SPOCK1: variants seen among roughly 807,000 people sequenced by gnomAD.
The protein encoded by SPOCK1 is SPARC (osteonectin), cwcv and kazal like domains proteoglycan 1.
SPOCK1 carries 23 observed loss-of-function variants against 55.3 expected under a neutral mutation model. The ratio of observed to expected loss-of-function variants is 0.42; its 90% CI spans 0.30 to 0.59. The LOEUF (loss-of-function observed/expected upper bound fraction) is 0.59. Ranked by LOEUF, SPOCK1 falls within the 20% of genes least tolerant of loss-of-function variation. The pLI is 0.22. For synonymous variants in SPOCK1, 226 were observed against 221.0 expected (o/e 1.02, Z -0.20); for missense variants, 499 against 552.5 (o/e 0.90, Z 0.97).
intron 2 of SPOCK1, among the ~76,000 whole-genome samples, chr5:137,369,379 C>T (rs1182877292): frequency 6.6e-6 from 1 of 152,184 alleles, no homozygotes; most frequent in Non-Finnish European, 1.5e-5. Context: ...AATGTCTACT[C>T]TACACATGGC....
At chr5:136,981,405 C>T (rs1161989269) in intron 9 of SPOCK1, among the ~76,000 whole-genome samples, 1 of 151,920 alleles carries the variant, frequency 6.6e-6, no homozygotes, top group East Asian at 1.9e-4. Context: ...TTGTGTTGTT[C>T]CTATAGTTTA....
intron 5 of SPOCK1, among the ~76,000 whole-genome samples, chr5:137,083,860 T>A (rs1312001690): frequency 6.6e-6 from 1 of 151,886 alleles, no homozygotes; most frequent in African/African-American, 2.4e-5. Flanking sequence ...TGAGCTACAA[T>A]GCAGTAAGAA....
intron 6 of SPOCK1, among the ~76,000 whole-genome samples, chr5:137,059,629 T>C (rs1037731578): frequency 2.6e-5 from 4 of 152,124 alleles, no homozygotes; most frequent in Non-Finnish European, 5.9e-5. Flanking sequence ...AGCTTCTGCA[T>C]AGCAAAAGAG....
chr5:136,987,472 T>C (rs1227346462), intron 8 of SPOCK1, among the ~76,000 whole-genome samples: 2 of 152,204 alleles, frequency 1.3e-5, no homozygotes, highest in Admixed American at 1.3e-4. Context: ...TATTCTCATA[T>C]ATCTTTGGTG....
At chr5:137,135,423 C>T (rs1033443518) in intron 4 of SPOCK1, among the ~76,000 whole-genome samples, 1 of 152,178 alleles carries the variant, frequency 6.6e-6, no homozygotes, top group African/African-American at 2.4e-5. Context: ...CTGTTTGTCC[C>T]CCTGTCCCCT....
chr5:137,202,102 G>A (rs1172975031), intron 3 of SPOCK1, among the ~76,000 whole-genome samples: 1 of 152,198 alleles, frequency 6.6e-6, no homozygotes, highest in Non-Finnish European at 1.5e-5. Context: ...CATGGGCTTT[G>A]CATCATTGGA....
intron 4 of SPOCK1, among the ~76,000 whole-genome samples, chr5:137,132,976 A>C (rs1753912475): frequency 6.6e-6 from 1 of 152,150 alleles, no homozygotes; most frequent in Non-Finnish European, 1.5e-5. Context: ...CCATCTTCAG[A>C]TGGTACTGAA....
chr5:137,433,820 C>G (rs1431535200), intron 2 of SPOCK1, among the ~76,000 whole-genome samples: 1 of 152,094 alleles, frequency 6.6e-6, no homozygotes, highest in African/African-American at 2.4e-5. Context: ...TTTTCCATGT[C>G]CTTATCTAAA....
intron 2 of SPOCK1, among the ~76,000 whole-genome samples, chr5:137,332,580 T>C (rs971115548): frequency 3.9e-4 from 60 of 152,188 alleles, no homozygotes; most frequent in Non-Finnish European, 4.7e-4. Flanking sequence ...TCTCCACTTC[T>C]ATGGGCTGGA....
At chr5:137,080,474 TA>T (rs1331567073) in intron 5 of SPOCK1, among the ~76,000 whole-genome samples, 1 of 152,108 alleles carries the variant, frequency 6.6e-6, no homozygotes, top group Non-Finnish European at 1.5e-5. Flanking sequence ...ACACAAATGG[TA>T]AGGAATTCTC....
chr5:137,404,978 C>T (rs1752066981), intron 2 of SPOCK1, among the ~76,000 whole-genome samples: 1 of 152,170 alleles, frequency 6.6e-6, no homozygotes, highest in Non-Finnish European at 1.5e-5. Flanking sequence ...AACATTCATA[C>T]CAGGAGCCAG....
chr5:137,470,556 G>A (rs1020798078), intron 2 of SPOCK1, among the ~76,000 whole-genome samples: 39 of 152,088 alleles, frequency 2.6e-4, no homozygotes, highest in African/African-American at 8.5e-4. Flanking sequence ...TGGTGCCCTC[G>A]AGACCCCACC....
intron 2 of SPOCK1, among the ~76,000 whole-genome samples, chr5:137,360,459 T>C (rs967992760): frequency 4.6e-5 from 7 of 152,032 alleles, no homozygotes; most frequent in Non-Finnish European, 1.0e-4. Flanking sequence ...AAGGCAAGAG[T>C]ACTTCCAAAT....
chr5:137,239,941 C>T (rs903222423), intron 3 of SPOCK1, among the ~76,000 whole-genome samples: 3 of 152,068 alleles, frequency 2.0e-5, no homozygotes, highest in African/African-American at 7.2e-5. Flanking sequence ...ATAATAAACC[C>T]AACACAGCTC....
intron 5 of SPOCK1, among the ~76,000 whole-genome samples, chr5:137,079,517 T>G: frequency 7.7e-6 from 1 of 130,386 alleles, no homozygotes; most frequent in Admixed American, 8.8e-5. Flanking sequence ...CTGTCTCTCC[T>G]ACCATCCCAT....
At chr5:137,294,940 C>G (rs1014783383) in intron 2 of SPOCK1, among the ~76,000 whole-genome samples, 4 of 152,212 alleles carry the variant, frequency 2.6e-5, no homozygotes, top group Non-Finnish European at 5.9e-5. Flanking sequence ...TAAAAGAAGA[C>G]CAAACTCCTC....
chr5:137,070,785 C>A (rs1752596899), intron 5 of SPOCK1, among the ~76,000 whole-genome samples: 1 of 152,106 alleles, frequency 6.6e-6, no homozygotes, highest in Non-Finnish European at 1.5e-5. Flanking sequence ...GACTGTAATT[C>A]CTGGAATCCA....
At chr5:137,060,422 G>T (rs898928568) in intron 6 of SPOCK1, among the ~76,000 whole-genome samples, 1 of 152,044 alleles carries the variant, frequency 6.6e-6, no homozygotes, top group Non-Finnish European at 1.5e-5. Context: ...CACAAAGAAG[G>T]GAACACTAGA....
chr5:137,124,743 C>A (rs1353739827), intron 4 of SPOCK1, among the ~76,000 whole-genome samples: 2 of 152,196 alleles, frequency 1.3e-5, no homozygotes, highest in African/African-American at 4.8e-5. Flanking sequence ...CCTGGGGCCA[C>A]TGGGATGGAT....
Sources: gnomAD v4.1 joint callset for allele counts (sites outside exome capture counted in the v4.1 genomes callset) on GRCh38, gnomAD v4.1.1 for gene constraint, MANE v1.5 for transcripts, NCBI Gene and HGNC (gene_info 2026-07-23, HGNC 2026-07-21) for gene names.